The following GK5 variants were observed in gnomAD, a reference collection of about 807,000 sequenced individuals.
The protein encoded by GK5 is ATP:glycerol 3-phosphotransferase 5.
Under a neutral mutation model 77.3 loss-of-function variants are expected in GK5, and 39 were observed. That is an observed-to-expected ratio of 0.50 (90% CI 0.39 to 0.66). GK5 has a LOEUF of 0.66. GK5 is among the 30% of genes least tolerant of loss of function. The pLI is 0.00. For synonymous variants in GK5, 211 were observed against 208.0 expected, an observed-to-expected ratio of 1.01 and a Z score of -0.13; for missense variants, 487 against 633.8, an observed-to-expected ratio of 0.77 and a Z score of 2.49.
intron 9 of GK5, 183 bp from the exon 10 acceptor site, chr3:142,183,232 C>T (rs72997011): frequency 0.14 from 72,993 of 521,162 alleles, 5,390 homozygotes; most frequent in Admixed American, 0.19. Flanking sequence ...AGGAGTCTCC[C>T]TAGGACTAAT....
At chr3:142,170,526 A>ATT (rs1231307388) in intron 14 of GK5, 68 bp from the exon 15 acceptor site, 2 of 1,316,326 alleles carry the variant, frequency 1.5e-6, no homozygotes, top group African/African-American at 3.0e-5. Flanking sequence ...AGTGGGCCAC[A>ATT]TTTTTTTCCT....
chr3:142,199,284 T>G (rs2063983864), intron 4 of GK5, among the ~76,000 whole-genome samples: 1 of 152,150 alleles, frequency 6.6e-6, no homozygotes, highest in South Asian at 2.1e-4. Flanking sequence ...ATTTGTAGTA[T>G]TCTTATTTCA....
chr3:142,213,070 G>A (rs1271796851), intron 3 of GK5, among the ~76,000 whole-genome samples: 1 of 151,814 alleles, frequency 6.6e-6, no homozygotes, highest in East Asian at 1.9e-4. Flanking sequence ...TCCTGACCTC[G>A]TGATCCGCCC....
intron 3 of GK5, 59 bp downstream of exon 3, chr3:142,213,467 C>A (rs2064224894): frequency 1.0e-6 from 1 of 980,086 alleles, no homozygotes; most frequent in Non-Finnish European, 1.7e-6. Context: ...GATTTCATAA[C>A]CGTGTACTCA....
chr3:142,206,886 C>A (rs780012833), intron 3 of GK5, among the ~76,000 whole-genome samples: 1 of 152,166 alleles, frequency 6.6e-6, no homozygotes, highest in African/African-American at 2.4e-5. Flanking sequence ...TCAATCCAAT[C>A]GTGATCAGCA....
intron 9 of GK5, 59 bp from the exon 10 acceptor site, chr3:142,183,108 G>C: frequency 6.7e-7 from 1 of 1,487,686 alleles, no homozygotes; most frequent in Non-Finnish European, 9.3e-7. Flanking sequence ...TTTTATTATA[G>C]AGCATTGTCT....
At chr3:142,179,202 T>C (rs1280357456) in intron 11 of GK5, among the ~76,000 whole-genome samples, 2 of 152,232 alleles carry the variant, frequency 1.3e-5, no homozygotes, top group Non-Finnish European at 2.9e-5. Context: ...TAAATTAATA[T>C]ACTTAAATTC....
chr3:142,200,995 T>C (rs1187981090), intron 4 of GK5, among the ~76,000 whole-genome samples: 2 of 152,200 alleles, frequency 1.3e-5, no homozygotes, highest in Non-Finnish European at 2.9e-5. Context: ...AAGAAATGCA[T>C]CCTGATTTCA....
chr3:142,168,126 A>G (rs1418177741), intron 15 of GK5, among the ~76,000 whole-genome samples: 1 of 152,206 alleles, frequency 6.6e-6, no homozygotes, highest in Non-Finnish European at 1.5e-5. Flanking sequence ...TGAAAAGTGT[A>G]GAAGAATTTG....
At position 142,183,019 on chromosome 3, in the gene GK5, C is replaced by G. The variant is rs1307988512; in HGVS notation, c.847G>C (p.Glu283Gln). 2 of 1,613,916 alleles carry G rather than the reference C, an allele frequency of 1.2e-6. No individual in the cohort carries two copies. Among genetic ancestry groups the G allele is most frequent in the East Asian group, 2.2e-5 (1 of 44,870 alleles). ...ACATCACCTGTCTGGAAGCAGCACT[C>G]TCCAAACATGGCTGATTGCTGGTCA... ...VADQQSAMFG[E>Q]CCFQTGDVKL... Residue 283 changes from glutamate (E) to glutamine (Q), a missense_variant, in exon 10 of 16, where the codon GAG (glutamate) becomes CAG (glutamine). Physicochemically the swap from Glu to Gln is conservative, Grantham distance 29. This residue lies in a region of GK5 where 323 missense variants were observed against 437.4 expected (regional missense o/e 0.74). Transcript: ENST00000392993.
chr3:142,225,536 G>A lies in GK5; in HGVS notation c.-81C>T, dbSNP rs2064419064. On this transcript the variant is annotated 5_prime_UTR_variant, in exon 1 of 16. Coordinates refer to ENST00000392993, the MANE Select transcript of GK5 (RefSeq NM_001039547.3). ...TCCCAATGCTCCAGAGTCCCCGGGC[G>A]GCCCAACCCGGGCCCCAACCCGGCT... The A allele has an allele frequency of 3.3e-6, 5 of 1,495,124 alleles. No individual in the cohort carries two copies. Among genetic ancestry groups the A allele is most frequent in the African/African-American group, 1.4e-5 (1 of 69,562 alleles). The allele number at this position is 1,495,124 out of a possible 1,614,324, so 92.6% of individuals were successfully genotyped here. A position where few individuals can be genotyped will look rare whatever the true frequency, so the allele number is the denominator to read the frequency against.
rs534893628 is a variant in GK5 at position 142,217,775 on chromosome 3, G to A, written c.148-2083C>T. 1.4e-4 allele frequency among the ~76,000 whole-genome samples: 21 copies of A among 152,200 alleles called. No homozygotes were observed. In the South Asian group the frequency reaches 4.4e-3, roughly 32 times the overall value. On this transcript the variant is annotated intron_variant, in intron 1 of 15. Transcript: ENST00000392993. ...TGAAACCAGACATTTCACATATACA[G>A]AACAAAAATTTAAATGACCGTGGAT...
In GK5 at chr3:142,163,971, G is replaced by A. The variant is rs571118244; in HGVS notation, c.*1651C>T. ...GCTTTGTAAAAAGGATGTAAACAGG[G>A]GAAAGAATGAAAAGAATAAGATTTA... On this transcript the variant is annotated 3_prime_UTR_variant, in exon 16 of 16. Transcript: ENST00000392993. The A allele has an allele frequency of 9.9e-5, 15 of 151,956 alleles. No individual in the cohort carries two copies. The highest frequency in any genetic ancestry group is 3.6e-4 in the African/African-American group (15 of 41,430). The allele number at this position is 151,956 out of a possible 1,614,324, so 9.4% of individuals were successfully genotyped here. A position where few individuals can be genotyped will look rare whatever the true frequency, so the allele number is the denominator to read the frequency against.
At position 142,201,192 on chromosome 3, in the gene GK5, T is replaced by A. The variant is rs181957904; in HGVS notation, c.412-2259A>T. 2.5e-3 allele frequency among the ~76,000 whole-genome samples: 385 copies of A among 152,320 alleles called. 4 individuals are homozygous for A. Among genetic ancestry groups the A allele is most frequent in the African/African-American group, 8.7e-3 (361 of 41,578 alleles). ...CTATACAAAGAACGTTCATAAAAGCTTTATTTGTAATAGCCAAAAACTGGA... is the reference window on the plus strand; with the variant it reads ...CTATACAAAGAACGTTCATAAAAGCATTATTTGTAATAGCCAAAAACTGGA... On this transcript the variant is annotated intron_variant, in intron 4 of 15. Transcript: ENST00000392993.
chr3:142,222,075 A>G (rs1419510964), intron 1 of GK5, among the ~76,000 whole-genome samples: 2 of 152,222 alleles, frequency 1.3e-5, no homozygotes, highest in Non-Finnish European at 2.9e-5. Flanking sequence ...GACAGAATAA[A>G]CACAATCAAG....
At chr3:142,190,114 A>T (rs2063828068) in intron 5 of GK5, among the ~76,000 whole-genome samples, 1 of 152,218 alleles carries the variant, frequency 6.6e-6, no homozygotes, top group Non-Finnish European at 1.5e-5. Context: ...TAGAACTAAA[A>T]TATTAAGAAC....
intron 5 of GK5, among the ~76,000 whole-genome samples, chr3:142,188,874 G>A (rs2063810954): frequency 1.3e-5 from 2 of 152,216 alleles, no homozygotes; most frequent in Non-Finnish European, 2.9e-5. Flanking sequence ...AACAGAAGTT[G>A]TCAACACCTC....
In GK5 at chr3:142,225,546, G is replaced by A; in HGVS notation, c.-91C>T. The A allele has an allele frequency of 1.4e-6, 2 of 1,474,856 alleles. No individual in the cohort carries two copies. The highest frequency in any genetic ancestry group is 2.5e-5 in the South Asian group (2 of 80,100). The allele number at this position is 1,474,856 out of a possible 1,614,324, so 91.4% of individuals were successfully genotyped here. On this transcript the variant is annotated 5_prime_UTR_variant, in exon 1 of 16. Transcript: ENST00000392993. ...CCAGAGTCCCCGGGCGGCCCAACCC[G>A]GGCCCCAACCCGGCTCAGCCGGAGA...
Position 142,193,752 on chromosome 3 carries a change from G to A in GK5, c.543+5050C>T, listed in dbSNP as rs145038937. 4.6e-3 allele frequency among the ~76,000 whole-genome samples: 694 copies of A among 151,874 alleles called. 5 individuals are homozygous for A. Among genetic ancestry groups the A allele is most frequent in the Non-Finnish European group, 6.0e-3 (411 of 67,934 alleles). On this transcript the variant is annotated intron_variant, in intron 5 of 15. Transcript: ENST00000392993. ...TGAAACTGTTTTCTTTCTTTTTTGT[G>A]TGTGGGTAGACAGCATCTCGCTCTG...
Sources: gnomAD v4.1 joint callset for allele counts (sites outside exome capture counted in the v4.1 genomes callset) on GRCh38, gnomAD v4.1.1 for gene constraint, gnomAD v4.1.1 regional missense constraint, MANE v1.5 for transcripts, NCBI Gene and HGNC (gene_info 2026-07-23, HGNC 2026-07-21) for gene names.